The following ZBTB7A variants were observed in gnomAD, a reference collection of about 807,000 sequenced individuals.
The protein encoded by ZBTB7A is zinc finger and BTB domain containing 7A, also known as zinc finger and BTB domain-containing protein 7A.
ZBTB7A carries 7 observed loss-of-function variants against 26.7 expected under a neutral mutation model. The ratio of observed to expected loss-of-function variants is 0.26; its 90% CI spans 0.15 to 0.49. ZBTB7A has a LOEUF of 0.49. Ranked by LOEUF, ZBTB7A falls within the 20% of genes least tolerant of loss-of-function variation. The pLI, the probability that ZBTB7A is intolerant of heterozygous loss-of-function variation, is 0.98. For missense variants in ZBTB7A, 617 were observed against 919.5 expected, an observed-to-expected ratio of 0.67 and a Z score of 4.25; for synonymous variants, 452 against 441.0, an observed-to-expected ratio of 1.02 and a Z score of -0.31.
Position 4,048,536 on chromosome 19 carries a change from G to A in ZBTB7A, c.1263-292C>T, listed in dbSNP as rs1232059906. On this transcript the variant is annotated intron_variant, in intron 2 of 2. Coordinates refer to ENST00000322357, the MANE Select transcript of ZBTB7A (RefSeq NM_015898.4). This position sits in a 1 kb window ranked among gnomAD's most constrained non-coding sequence, Gnocchi z 6.7. The stretch of plus-strand genomic sequence containing the variant: ...TTCCTTTCCTTTTTTAACTTTTTAA[G>A]AGACAAAGTCTAGGCCAGGCGCGGA... 6.6e-6 allele frequency among the ~76,000 whole-genome samples: 1 copy of A among 152,064 alleles called. No homozygotes were observed. Among genetic ancestry groups the A allele is most frequent in the Non-Finnish European group, 1.5e-5 (1 of 68,010 alleles).
In ZBTB7A at chr19:4,066,775, C is replaced by T. The variant is rs1052524104; in HGVS notation, c.-109G>A. On this transcript the variant is annotated 5_prime_UTR_variant, in exon 1 of 3. Coordinates refer to ENST00000322357, the MANE Select transcript of ZBTB7A (RefSeq NM_015898.4). The stretch of plus-strand genomic sequence containing the variant: ...GCCTCCGGGGTCCGCGGCGCTCGCT[C>T]TGCCCGCGTCGCGCTGCCCTGGTCG... 6.6e-6 allele frequency: 1 copy of T among 151,950 alleles called. No individual in the cohort carries two copies. Among genetic ancestry groups the T allele is most frequent in the Admixed American group, 6.6e-5 (1 of 15,204 alleles). 9.4% of individuals were successfully genotyped at this position (151,950 alleles called of 1,614,324 possible).
chr19:4,059,632 G>A (rs2040618942), intron 1 of ZBTB7A, among the ~76,000 whole-genome samples: 1 of 152,104 alleles, frequency 6.6e-6, no homozygotes, highest in Admixed American at 6.5e-5. Flanking sequence ...AATGATGGAG[G>A]GGCCGGTCCC....
intron 1 of ZBTB7A, among the ~76,000 whole-genome samples, chr19:4,059,128 G>A (rs2040613850): frequency 6.6e-6 from 1 of 152,220 alleles, no homozygotes; most frequent in African/African-American, 2.4e-5. Flanking sequence ...TGGAGCTCCG[G>A]ATCAGACGGG....
rs557073942 is a variant in ZBTB7A at position 4,056,904 on chromosome 19, GTA to G, written c.-15-1659_-15-1658del. ...CAGCCAGGCGTGGTGGCGCGTGCCT[GTA>G]ATCCCAGCTACTCAGGACGCTGAGG... is the stretch of plus-strand genomic sequence containing the variant. On this transcript the variant is annotated intron_variant, in intron 1 of 2. Coordinates refer to ENST00000322357, the MANE Select transcript of ZBTB7A (RefSeq NM_015898.4). Among the ~76,000 whole-genome samples, 37 of 151,764 alleles carry G rather than the reference GTA, an allele frequency of 2.4e-4. 1 individual carries two copies. The South Asian group carries it at 7.5e-3, about 31-fold the overall frequency.
intron 1 of ZBTB7A, chr19:4,065,307 C>T (rs1389330870): frequency 1.3e-5 from 2 of 148,430 alleles, no homozygotes; most frequent in South Asian, 4.2e-4. Context: ...AGGCCCCCCA[C>T]CCGGGGCTGA....
chr19:4,061,622 T>C (rs1275183326), intron 1 of ZBTB7A: 4 of 152,234 alleles, frequency 2.6e-5, no homozygotes, highest in African/African-American at 7.2e-5. Flanking sequence ...TCGGCCATTT[T>C]ACGTGTCCAT....
chr19:4,048,976 CA>C lies in ZBTB7A; in HGVS notation c.1263-733del, dbSNP rs551597239. ...CTCGGTGACAGAATGAGACTGTCTC[CA>C]AAAAAAAAAAAAAAGAGAGGCAGGG... On this transcript the variant is annotated intron_variant, in intron 2 of 2. Transcript: ENST00000322357. The surrounding 1 kb of genome is among the most constrained non-coding windows in gnomAD (Gnocchi z 6.7). Among the ~76,000 whole-genome samples the C allele has an allele frequency of 0.27, 26,904 of 100,306 alleles. 3,084 individuals carry two copies. Among genetic ancestry groups the C allele is most frequent in the African/African-American group, 0.38 (11,101 of 28,954 alleles). 65.8% of individuals were successfully genotyped at this position (100,306 alleles called of 152,430 possible).
At chr19:4,057,743 A>G (rs1213971317) in intron 1 of ZBTB7A, among the ~76,000 whole-genome samples, 1 of 150,290 alleles carries the variant, frequency 6.7e-6, no homozygotes, top group Non-Finnish European at 1.5e-5. Context: ...AGATCACGCC[A>G]CAGCACTCCA....
intron 1 of ZBTB7A, among the ~76,000 whole-genome samples, chr19:4,057,531 G>A (rs761409994): frequency 1.3e-5 from 2 of 151,662 alleles, no homozygotes; most frequent in Non-Finnish European, 2.9e-5. Flanking sequence ...GGCTCACGCC[G>A]GTAATCCCAG....
chr19:4,065,920 C>G (rs1490523660), intron 1 of ZBTB7A, among the ~76,000 whole-genome samples: 2 of 138,180 alleles, frequency 1.4e-5, no homozygotes, highest in Admixed American at 1.4e-4. Context: ...GGCGGGCTGG[C>G]CCCGCCCCCG....
rs756916528 is a variant in ZBTB7A, at chr19:4,054,464, A to G, written c.769T>C (p.Phe257Leu). The change falls in exon 2 of 3, where the codon TTT becomes CTT. Residue 257 changes from phenylalanine to leucine, a missense_variant. Coordinates refer to ENST00000322357, the MANE Select transcript of ZBTB7A (RefSeq NM_015898.4). The part of the protein sequence containing the change: ...RDEDAPTGGL[F>L]PPPVAPPAAT... ...GCCGGCGGGGCCACCGGCGGCGGAA[A>G]GAGACCCCCGGTGGGGGCGTCCTCA... 7.3e-7 allele frequency: 1 copy of G among 1,361,996 alleles called. No individual in the cohort carries two copies. Among genetic ancestry groups the G allele is most frequent in the East Asian group, 3.1e-5 (1 of 32,526 alleles). 84.4% of individuals were successfully genotyped at this position (1,361,996 alleles called of 1,614,324 possible).
At chr19:4,061,797 A>G (rs1421923774) in intron 1 of ZBTB7A, 1 of 152,124 alleles carries the variant, frequency 6.6e-6, no homozygotes. Flanking sequence ...ACTGAGGCCC[A>G]CCCTGTTCCC....
chr19:4,063,136 A>G (rs1245411861), intron 1 of ZBTB7A, among the ~76,000 whole-genome samples: 1 of 152,092 alleles, frequency 6.6e-6, no homozygotes, highest in East Asian at 1.9e-4. Flanking sequence ...CACACCCCAC[A>G]CTCAGGTCTC....
intron 1 of ZBTB7A, among the ~76,000 whole-genome samples, chr19:4,061,364 C>T (rs2040635885): frequency 6.6e-6 from 1 of 152,176 alleles, no homozygotes; most frequent in Non-Finnish European, 1.5e-5. Context: ...CCGCACCCGG[C>T]AGCCCCCGCC....
At chr19:4,065,090 G>A (rs1157378683) in intron 1 of ZBTB7A, among the ~76,000 whole-genome samples, 3 of 151,724 alleles carry the variant, frequency 2.0e-5, no homozygotes, top group Non-Finnish European at 4.4e-5. Flanking sequence ...GAGGGAGGGG[G>A]CTGGATCCCA....
intron 1 of ZBTB7A, among the ~76,000 whole-genome samples, chr19:4,065,946 T>C (rs1171522146): frequency 7.8e-6 from 1 of 128,076 alleles, no homozygotes; most frequent in Non-Finnish European, 1.6e-5. Context: ...CGCCGCGCGA[T>C]CGGCCCGCGC....
In ZBTB7A at chr19:4,052,256, C is replaced by A. The variant is rs2040511703; in HGVS notation, c.1262+1715G>T. ...TCACCACCTTCGCTCAGCCTGGTCC[C>A]CTCTGCAGACCCCAGTTCTCTGCAC... On this transcript the variant is annotated intron_variant, in intron 2 of 2. Transcript: ENST00000322357. This position sits in a 1 kb window ranked among gnomAD's most constrained non-coding sequence, Gnocchi z 4.9. Among the ~76,000 whole-genome samples the A allele has an allele frequency of 6.6e-6, 1 of 152,156 alleles. No homozygotes were observed. Among genetic ancestry groups the A allele is most frequent in the Admixed American group, 6.5e-5 (1 of 15,278 alleles).
chr19:4,065,000 C>G (rs980320718), intron 1 of ZBTB7A, among the ~76,000 whole-genome samples: 1 of 151,752 alleles, frequency 6.6e-6, no homozygotes, highest in Non-Finnish European at 1.5e-5. Context: ...GGGGGGCACC[C>G]GCTCCTCCGC....
At position 4,054,612 on chromosome 19, in the gene ZBTB7A, G is replaced by T; in HGVS notation, c.621C>A (p.Ala207=). The change falls in exon 2 of 3, where the codon GCC becomes GCA. Residue 207 remains alanine, a synonymous_variant. Transcript: ENST00000322357. Reference sequence around the variant, plus strand: ...CGTTGCAGTCGCCCGCGGCCACGGCGGCCACAGCGGCGGCCACGGCCTCCT... The same window carrying T: ...CGTTGCAGTCGCCCGCGGCCACGGCTGCCACAGCGGCGGCCACGGCCTCCT... ...ATKEAVAAAV[A]AVAAGDCNGL... 1.3e-6 allele frequency: 2 copies of T among 1,586,182 alleles called. No individual in the cohort carries two copies. The highest frequency in any genetic ancestry group is 1.7e-6 in the Non-Finnish European group (2 of 1,170,392).
Sources: allele counts gnomAD v4.1 joint callset (sites outside exome capture counted in the v4.1 genomes callset), GRCh38; gene constraint gnomAD v4.1.1; non-coding constraint Gnocchi (gnomAD v3.1); transcripts MANE v1.5; gene names NCBI Gene and HGNC (gene_info 2026-07-23, HGNC 2026-07-21).